BNIP5: variants seen among roughly 807,000 people sequenced by gnomAD.
The protein encoded by BNIP5 is protein BNIP5.
BNIP5 carries 61 observed loss-of-function variants against 67.3 expected under a neutral mutation model. The observed-to-expected ratio is 0.91, with a 90% CI of 0.74 to 1.12. The LOEUF (loss-of-function observed/expected upper bound fraction) is 1.12, where lower values mean the gene tolerates loss of function less well. Among genes scored for constraint, BNIP5 ranks in the 50% most tolerant of loss-of-function variants. The pLI, the probability that BNIP5 is intolerant of heterozygous loss-of-function variation, is 0.00. For missense variants in BNIP5, 826 were observed against 816.3 expected (o/e 1.01, Z -0.14); for synonymous variants, 317 against 319.0 (o/e 0.99, Z 0.07).
rs1417134158 is a variant in BNIP5, at chr6:36,330,088, A to T, written c.603T>A (p.Ala201=). ...LRSGEADLGP[A]RRGGEDSDHQ... ...CAGGCACGGTCCGCTCACCCCTGCG[A>T]GCTGGGCCCAGGTCAGCCTCCCCGG... The change falls in exon 2 of 12, where the codon GCT becomes GCA. Residue 201 remains alanine, a synonymous_variant. Coordinates refer to ENST00000437635, the MANE Select transcript of BNIP5 (RefSeq NM_001010903.5). The T allele has an allele frequency of 6.2e-7, 1 of 1,603,312 alleles. No homozygotes were observed. The highest frequency in any genetic ancestry group is 1.1e-5 in the South Asian group (1 of 90,644).
At chr6:36,322,101 G>A (rs1046482461) in intron 9 of BNIP5, among the ~76,000 whole-genome samples, 20 of 152,150 alleles carry the variant, frequency 1.3e-4, no homozygotes, top group African/African-American at 4.6e-4. Flanking sequence ...CCACAGGATA[G>A]ACAGGTGTCC....
rs751905898 is a variant in BNIP5, at chr6:36,328,629, A to G, written c.696T>C (p.His232=). The change falls in exon 3 of 12, where the codon CAT becomes CAC. Residue 232 remains histidine, a synonymous_variant. Transcript: ENST00000437635. ...GCTTTTTGAGCTCCTCTTCTTGCTG[A>G]TGACCTGTGGCATGGGGAGAAACAT... ...ALDVSPHATG[H]QQEEELKKPD... The G allele has an allele frequency of 1.1e-5, 18 of 1,613,942 alleles. No homozygotes were observed. The Middle Eastern group carries it at 9.9e-4, about 89-fold the overall frequency.
intron 2 of BNIP5, 45 bp downstream of exon 2, chr6:36,330,036 A>G: frequency 1.3e-6 from 2 of 1,521,042 alleles, no homozygotes; most frequent in East Asian, 2.3e-5. Context: ...GAGCAAGTTT[A>G]GAGCACCCTA....
chr6:36,333,595 T>C (rs1771949994), intron 1 of BNIP5, among the ~76,000 whole-genome samples: 1 of 152,242 alleles, frequency 6.6e-6, no homozygotes, highest in Non-Finnish European at 1.5e-5. Context: ...GATACAATCA[T>C]GAACAAGATG....
intron 11 of BNIP5, 66 bp from the exon 12 acceptor site, chr6:36,317,457 C>A: frequency 4.2e-6 from 6 of 1,424,774 alleles, no homozygotes; most frequent in Non-Finnish European, 6.0e-6. Flanking sequence ...ATTCTGGAAA[C>A]AACAGACTTC....
chr6:36,336,092 G>A (rs938070393), intron 1 of BNIP5, among the ~76,000 whole-genome samples: 3 of 152,102 alleles, frequency 2.0e-5, no homozygotes, highest in Non-Finnish European at 2.9e-5. Context: ...GTGAGGAGTC[G>A]GTCAGGACTG....
chr6:36,320,003 TGTAAA>T (rs972183331), intron 10 of BNIP5, among the ~76,000 whole-genome samples: 1 of 152,188 alleles, frequency 6.6e-6, no homozygotes, highest in African/African-American at 2.4e-5. Flanking sequence ...ATCCATAAAA[TGTAAA>T]GTATCCACCC....
intron 1 of BNIP5, 114 bp from the exon 2 acceptor site, chr6:36,330,808 G>A (rs1771888827): frequency 1.5e-6 from 2 of 1,370,072 alleles, no homozygotes; most frequent in Non-Finnish European, 1.9e-6. Flanking sequence ...CTATTGCCCA[G>A]GCTGGAGTGC....
At chr6:36,326,386 G>A in intron 5 of BNIP5, 124 bp downstream of exon 5, 1 of 1,204,116 alleles carries the variant, frequency 8.3e-7, no homozygotes, top group South Asian at 1.5e-5. Flanking sequence ...CACCACTCAG[G>A]GCAGAGTGCA....
intron 9 of BNIP5, among the ~76,000 whole-genome samples, chr6:36,321,432 A>G (rs1236438918): frequency 6.6e-6 from 1 of 152,184 alleles, no homozygotes; most frequent in Non-Finnish European, 1.5e-5. Flanking sequence ...CTTTACAGAA[A>G]TAGAAGGGAC....
At chr6:36,335,135 G>A (rs1010845783) in intron 1 of BNIP5, among the ~76,000 whole-genome samples, 1 of 152,210 alleles carries the variant, frequency 6.6e-6, no homozygotes, top group African/African-American at 2.4e-5. Context: ...CCCTGGAACG[G>A]GAAGTTTGCT....
intron 1 of BNIP5, among the ~76,000 whole-genome samples, chr6:36,332,437 T>C (rs1771928752): frequency 6.6e-6 from 1 of 152,140 alleles, no homozygotes; most frequent in Non-Finnish European, 1.5e-5. Context: ...CCTGTCTGAG[T>C]CTCTCTCCAT....
At chr6:36,323,001 C>T (rs116309190) in intron 8 of BNIP5, among the ~76,000 whole-genome samples, 5 of 152,308 alleles carry the variant, frequency 3.3e-5, no homozygotes, top group African/African-American at 1.2e-4. Flanking sequence ...TGATGCACAG[C>T]GGCACGGATC....
At chr6:36,332,887 T>G (rs1414281950) in intron 1 of BNIP5, among the ~76,000 whole-genome samples, 1 of 152,214 alleles carries the variant, frequency 6.6e-6, no homozygotes, top group Non-Finnish European at 1.5e-5. Context: ...ATGCCAAACC[T>G]GAGCCCCTGG....
chr6:36,320,254 T>A (rs1277361343), intron 10 of BNIP5, among the ~76,000 whole-genome samples: 1 of 152,148 alleles, frequency 6.6e-6, no homozygotes, highest in Non-Finnish European at 1.5e-5. Flanking sequence ...GAAATGCTAA[T>A]GGAAGAATGA....
In BNIP5 at chr6:36,322,428, C is replaced by T. The variant is rs763748059; in HGVS notation, c.1486G>A (p.Glu496Lys). Residue 496 changes from glutamate (E) to lysine (K), a missense_variant, in exon 9 of 12, where the codon GAG becomes AAG. Glu to Lys is a moderately conservative substitution (Grantham distance 56). Coordinates refer to ENST00000437635, the MANE Select transcript of BNIP5 (RefSeq NM_001010903.5). ...TCTGCGGGCAGGGGCTCCCGGCACTCGAGATCTTCTGGATCTAGGGCAAAA... is the reference window on the plus strand; with the variant it reads ...TCTGCGGGCAGGGGCTCCCGGCACTTGAGATCTTCTGGATCTAGGGCAAAA... ...TSSSLDPEDL[E>K]CREPLPAEGE... The T allele has an allele frequency of 4.9e-5, 79 of 1,613,672 alleles. No homozygotes were observed. The highest frequency in any genetic ancestry group is 6.7e-5 in the African/African-American group (5 of 74,894).
In BNIP5 at chr6:36,317,398, A is replaced by C. The variant is rs1180497313; in HGVS notation, c.1924-7T>G. The C allele has an allele frequency of 6.2e-7, 1 of 1,612,136 alleles. No homozygotes were observed. Among genetic ancestry groups the C allele is most frequent in the Non-Finnish European group, 8.5e-7 (1 of 1,178,170 alleles). On this transcript the variant is annotated splice_region_variant and splice_polypyrimidine_tract_variant and intron_variant, in intron 11 of 11. Transcript: ENST00000437635. Reference sequence around the variant, plus strand: ...CCTTAGGACTTGTGATGTTCTGGGAAGAGAAAAAGAACATAGGTGTTAGCC... The same window carrying C: ...CCTTAGGACTTGTGATGTTCTGGGACGAGAAAAAGAACATAGGTGTTAGCC...
intron 3 of BNIP5, among the ~76,000 whole-genome samples, chr6:36,327,886 T>C (rs1244643963): frequency 2.0e-5 from 3 of 152,120 alleles, no homozygotes; most frequent in Non-Finnish European, 4.4e-5. Flanking sequence ...ATAAATTGTC[T>C]GGCTTTTGTC....
rs1047654109 is a variant in BNIP5, at chr6:36,316,877, C to T, written c.*479G>A. 7.5e-6 allele frequency: 3 copies of T among 401,608 alleles called. No individual in the cohort carries two copies. Among genetic ancestry groups the T allele is most frequent in the African/African-American group, 6.2e-5 (3 of 48,626 alleles). The allele number at this position is 401,608 out of a possible 1,614,324, so 24.9% of individuals were successfully genotyped here. A position where few individuals can be genotyped will look rare whatever the true frequency, so the allele number is the denominator to read the frequency against. ...CATATGAGCATGAAGAACTACTGGT[C>T]AACTGAAGAAATGATGGGATACACT... On this transcript the variant is annotated 3_prime_UTR_variant, in exon 12 of 12. Transcript: ENST00000437635.
Sources: gnomAD v4.1 joint callset for allele counts (sites outside exome capture counted in the v4.1 genomes callset) on GRCh38, gnomAD v4.1.1 for gene constraint, MANE v1.5 for transcripts, NCBI Gene and HGNC (gene_info 2026-07-23, HGNC 2026-07-21) for gene names.